The following STAG1 variants were observed in gnomAD, a reference collection of about 807,000 sequenced individuals.
The protein encoded by STAG1 is cohesin subunit SA-1.
Under a neutral mutation model 170.9 loss-of-function variants are expected in STAG1, and 26 were observed. The observed-to-expected ratio is 0.15, with a 90% confidence interval of 0.11 to 0.21. STAG1 has a LOEUF of 0.21. Among genes scored for constraint, STAG1 ranks in the 10% least tolerant of loss-of-function variants. STAG1 has a pLI of 1.00. For synonymous variants in STAG1, 514 were observed against 497.7 expected, an observed-to-expected ratio of 1.03 and a Z score of -0.44; for missense variants, 964 against 1,509.5, an observed-to-expected ratio of 0.64 and a Z score of 5.99.
chr3:136,351,881 G>A (rs931070401), intron 28 of STAG1, among the ~76,000 whole-genome samples: 1 of 152,120 alleles, frequency 6.6e-6, no homozygotes, highest in Non-Finnish European at 1.5e-5. Flanking sequence ...TGGCTAAGGG[G>A]TTTAAGCGCA....
chr3:136,662,333 G>T (rs1941610088), intron 1 of STAG1, among the ~76,000 whole-genome samples: 1 of 151,780 alleles, frequency 6.6e-6, no homozygotes. Flanking sequence ...TGTATTTTTA[G>T]TAGAGACAGG....
In STAG1 at chr3:136,403,825, T is replaced by TC. The variant is rs529811007; in HGVS notation, c.2197-4997dup. 3.4e-4 allele frequency among the ~76,000 whole-genome samples: 52 copies of TC among 152,312 alleles called. 1 individual carries two copies. In the South Asian group the frequency reaches 0.01, roughly 30 times the overall value. ...ATGAGGGAACAGAGACACTTGGCCA[T>TC]CCCATTACCTGTTTCAAATATAGAA... On this transcript the variant is annotated intron_variant, in intron 21 of 33. Transcript: ENST00000383202.
intron 1 of STAG1, among the ~76,000 whole-genome samples, chr3:136,749,299 TG>T (rs1440831161): frequency 6.6e-6 from 1 of 152,186 alleles, no homozygotes; most frequent in Admixed American, 6.6e-5. Context: ...GACTGACTCC[TG>T]CTAGCATGGA....
rs535787863 is a variant in STAG1 at position 136,594,265 on chromosome 3, TG to T, written c.297+10043del. Reference sequence around the variant, plus strand: ...AGCTTGAGAATTCCTCTCCATTTGATGATACGAAGCGATTTGGCATGTAACT... The same window carrying T: ...AGCTTGAGAATTCCTCTCCATTTGATATACGAAGCGATTTGGCATGTAACT... On this transcript the variant is annotated intron_variant, in intron 4 of 33. Coordinates refer to ENST00000383202, the MANE Select transcript of STAG1 (RefSeq NM_005862.3). Among the ~76,000 whole-genome samples, 149 of 152,262 alleles carry T rather than the reference TG, an allele frequency of 9.8e-4. 1 individual carries two copies. Among genetic ancestry groups the T allele is most frequent in the African/African-American group, 3.5e-3 (146 of 41,570 alleles).
chr3:136,386,618 T>C (rs2086880564), intron 22 of STAG1, among the ~76,000 whole-genome samples: 1 of 152,074 alleles, frequency 6.6e-6, no homozygotes, highest in Non-Finnish European at 1.5e-5. Flanking sequence ...AGTATATAGA[T>C]TTTAAATGTG....
At chr3:136,733,848 C>T (rs1248476986) in intron 1 of STAG1, among the ~76,000 whole-genome samples, 1 of 152,230 alleles carries the variant, frequency 6.6e-6, no homozygotes, top group Non-Finnish European at 1.5e-5. Flanking sequence ...TGGCCCACGC[C>T]TGTAATCCCA....
At chr3:136,585,593 A>AAATAATAATAATAAT (rs562758896) in intron 4 of STAG1, among the ~76,000 whole-genome samples, 2 of 150,670 alleles carry the variant, frequency 1.3e-5, no homozygotes, top group African/African-American at 4.9e-5. Flanking sequence ...TGAGACTCAA[A>AAATAATAATAATAAT]AATAATAATA....
intron 2 of STAG1, among the ~76,000 whole-genome samples, chr3:136,623,518 T>C (rs192902060): frequency 1.1e-3 from 166 of 152,184 alleles, no homozygotes; most frequent in African/African-American, 3.8e-3. Flanking sequence ...ATGCAAAATA[T>C]AACTGCAAAA....
chr3:136,386,608 A>G (rs2086879815), intron 22 of STAG1, among the ~76,000 whole-genome samples: 1 of 152,148 alleles, frequency 6.6e-6, no homozygotes, highest in Admixed American at 6.6e-5. Flanking sequence ...CAAAAACAGA[A>G]GTATATAGAT....
intron 11 of STAG1, among the ~76,000 whole-genome samples, chr3:136,472,737 T>A (rs998833655): frequency 6.6e-6 from 1 of 152,214 alleles, no homozygotes; most frequent in East Asian, 1.9e-4. Flanking sequence ...AGCCTTAACA[T>A]ACAAAATTAC....
chr3:136,356,946 T>A (rs1282248681), intron 28 of STAG1, among the ~76,000 whole-genome samples: 1 of 151,056 alleles, frequency 6.6e-6, no homozygotes, highest in Non-Finnish European at 1.5e-5. Flanking sequence ...TTAAATTTTT[T>A]ATTTTATTTT....
chr3:136,347,955 C>T (rs1196926650), intron 29 of STAG1, among the ~76,000 whole-genome samples: 1 of 152,190 alleles, frequency 6.6e-6, no homozygotes, highest in African/African-American at 2.4e-5. Context: ...TTCTGGAACT[C>T]TCATGTTAGA....
At chr3:136,479,166 C>G (rs865802030) in intron 9 of STAG1, among the ~76,000 whole-genome samples, 1 of 145,208 alleles carries the variant, frequency 6.9e-6, no homozygotes, top group Admixed American at 7.1e-5. Flanking sequence ...CATGCTGGTG[C>G]GCTGCACCCA....
At chr3:136,452,572 A>G (rs1274996831) in intron 13 of STAG1, among the ~76,000 whole-genome samples, 1 of 151,826 alleles carries the variant, frequency 6.6e-6, no homozygotes, top group Non-Finnish European at 1.5e-5. Context: ...AAAAAAAATC[A>G]GAGATCAGAT....
At chr3:136,664,297 T>C (rs757687190) in intron 1 of STAG1, among the ~76,000 whole-genome samples, 1 of 152,226 alleles carries the variant, frequency 6.6e-6, no homozygotes, top group Non-Finnish European at 1.5e-5. Context: ...ATGTAAAATG[T>C]ATTTTGAACT....
intron 10 of STAG1, among the ~76,000 whole-genome samples, chr3:136,476,570 G>A (rs1273733263): frequency 6.6e-6 from 1 of 152,172 alleles, no homozygotes; most frequent in East Asian, 1.9e-4. Context: ...TCTCTGTAAA[G>A]TCACCACAGG....
At chr3:136,370,513 C>T (rs534415782) in intron 23 of STAG1, among the ~76,000 whole-genome samples, 2 of 152,054 alleles carry the variant, frequency 1.3e-5, no homozygotes, top group African/African-American at 4.8e-5. Context: ...CTCACCACTC[C>T]CCCCACCCCA....
intron 6 of STAG1, among the ~76,000 whole-genome samples, chr3:136,540,756 AG>A (rs1935848901): frequency 1.5e-5 from 2 of 132,188 alleles, no homozygotes; most frequent in African/African-American, 2.8e-5. Flanking sequence ...GGGGAGGTAG[AG>A]GTTAAAGTAA....
chr3:136,489,804 A>G (rs1355207676), intron 9 of STAG1, among the ~76,000 whole-genome samples: 1 of 152,216 alleles, frequency 6.6e-6, no homozygotes, highest in East Asian at 1.9e-4. Flanking sequence ...ACTTACAATA[A>G]GATGATTAAA....
Sources: allele counts gnomAD v4.1 joint callset (sites outside exome capture counted in the v4.1 genomes callset), GRCh38; gene constraint gnomAD v4.1.1; transcripts MANE v1.5; gene names NCBI Gene and HGNC (gene_info 2026-07-23, HGNC 2026-07-21).